The following ACE variants were observed in gnomAD, a reference collection of about 807,000 sequenced individuals.
The protein encoded by ACE is angiotensin-converting enzyme.
In ACE, 122 loss-of-function variants were observed where a neutral mutation model predicts 162.3. The observed-to-expected ratio is 0.75, with a 90% CI of 0.65 to 0.87. The LOEUF is 0.87. Among genes scored for constraint, ACE ranks in the 40% least tolerant of loss-of-function variants. ACE has a pLI of 0.00. For synonymous variants in ACE, 796 were observed against 720.6 expected (o/e 1.10, Z -1.68); for missense variants, 1,799 against 1,735.1 (o/e 1.04, Z -0.65).
At chr17:63,488,825 G>A (rs2030171057) in intron 16 of ACE, 34 bp downstream of exon 16, 1 of 1,613,980 alleles carries the variant, frequency 6.2e-7, no homozygotes, top group Admixed American at 1.7e-5. Context: ...CTGGCACTTG[G>A]GTCCCTTCAT....
In ACE at chr17:63,493,930, A is replaced by G. The variant is rs765835019; in HGVS notation, c.3145A>G (p.Ile1049Val). The G allele has an allele frequency of 1.2e-6, 2 of 1,614,120 alleles. No individual in the cohort carries two copies. Among genetic ancestry groups the G allele is most frequent in the Admixed American group, 1.7e-5 (1 of 60,016 alleles). ...GCTCCCTTCCCTTGCAGAGCATGACATCAACTTTCTGATGAAGATGGCCCT... is the reference window on the plus strand; with the variant it reads ...GCTCCCTTCCCTTGCAGAGCATGACGTCAACTTTCTGATGAAGATGGCCCT... Reference protein sequence around the residue: ...SSEGGSDEHDINFLMKMALDK... With the variant: ...SSEGGSDEHDVNFLMKMALDK... Residue 1049 changes from isoleucine to valine, a missense_variant, in exon 21 of 25, where the codon ATC (isoleucine) becomes GTC (valine). Ile to Val is a conservative substitution (Grantham distance 29). Transcript: ENST00000290866.
chr17:63,488,446 A>G, intron 15 of ACE: 1 of 450,676 alleles, frequency 2.2e-6, no homozygotes. Context: ...TGTCTGCAGC[A>G]TGTGGCCCCA....
rs532375661 is a variant in ACE at position 63,485,350 on chromosome 17, C to T, written c.2036C>T (p.Thr679Ile). 7.4e-6 allele frequency: 12 copies of T among 1,613,924 alleles called. No individual in the cohort carries two copies. The highest frequency in any genetic ancestry group is 1.0e-5 in the Non-Finnish European group (12 of 1,180,022). The change falls in exon 13 of 25, where the codon ACC (threonine) becomes ATC (isoleucine). Residue 679 changes from threonine (T) to isoleucine (I), a missense_variant. By Grantham distance (89) the Thr-to-Ile change is moderately conservative. Coordinates refer to ENST00000290866, the MANE Select transcript of ACE (RefSeq NM_000789.4). ...EANWNYNTNI[T>I]TETSKILLQK... Reference sequence around the variant, plus strand: ...AACTGGAACTACAACACCAACATCACCACAGAGACCAGCAAGATTCTGGTG... The same window carrying T: ...AACTGGAACTACAACACCAACATCATCACAGAGACCAGCAAGATTCTGGTG...
chr17:63,494,864 T>G (rs758608902), intron 22 of ACE, among the ~76,000 whole-genome samples: 3 of 152,228 alleles, frequency 2.0e-5, no homozygotes, highest in Non-Finnish European at 4.4e-5. Context: ...ATTTGAATTG[T>G]ACCTGGAAGC....
rs958487763 is a variant in ACE, at chr17:63,478,927, GCTC to G, written c.418-74_418-72del. The G allele has an allele frequency of 3.6e-5, 44 of 1,222,842 alleles. No homozygotes were observed. In the African/African-American group the frequency reaches 5.0e-4, roughly 14 times the overall value. 75.7% of individuals were successfully genotyped at this position (1,222,842 alleles called of 1,614,324 possible). On this transcript the variant is annotated intron_variant, in intron 2 of 24. Coordinates refer to ENST00000290866, the MANE Select transcript of ACE (RefSeq NM_000789.4). ...TGTCCAAGCTACATCCACTCTGTGG[GCTC>G]CTCCTTCTAGCAGCGAGGGGAGGGC...
In ACE at chr17:63,477,976, C is replaced by A; in HGVS notation, c.295C>A (p.Gln99Lys). The A allele has an allele frequency of 6.2e-7, 1 of 1,612,338 alleles. No individual in the cohort carries two copies. Among genetic ancestry groups the A allele is most frequent in the Non-Finnish European group, 8.5e-7 (1 of 1,179,522 alleles). The change falls in exon 2 of 25, where the codon CAG becomes AAG. Residue 99 changes from glutamine (Q) to lysine (K), a missense_variant. By Grantham distance (53) the Gln-to-Lys change is moderately conservative. Coordinates refer to ENST00000290866, the MANE Select transcript of ACE (RefSeq NM_000789.4). Reference protein sequence around the residue: ...LSQEFAEAWGQKAKELYEPIW... With the variant: ...LSQEFAEAWGKKAKELYEPIW... Reference sequence around the variant, plus strand: ...CCAGGAGTTTGCGGAGGCCTGGGGCCAGAAGGCCAAGGAGCTGTATGAACC... The same window carrying A: ...CCAGGAGTTTGCGGAGGCCTGGGGCAAGAAGGCCAAGGAGCTGTATGAACC...
intron 17 of ACE, chr17:63,490,588 A>G: frequency 6.1e-6 from 2 of 329,680 alleles, no homozygotes; most frequent in Non-Finnish European, 1.2e-5. Context: ...GAATTCACAC[A>G]ATGTTCTTGG....
chr17:63,497,368 G>A lies in ACE; in HGVS notation c.*2G>A, dbSNP rs1280755725. ...GAGGTGGAGCTGAGACACTCCTGAG[G>A]TGACCCGGCTGGGTCGGCCCTGCCC... On this transcript the variant is annotated 3_prime_UTR_variant, in exon 25 of 25. Coordinates refer to ENST00000290866, the MANE Select transcript of ACE (RefSeq NM_000789.4). 8.4e-6 allele frequency: 13 copies of A among 1,548,130 alleles called. No individual in the cohort carries two copies. Among genetic ancestry groups the A allele is most frequent in the Non-Finnish European group, 1.1e-5 (13 of 1,146,814 alleles).
intron 1 of ACE, 36 bp from the exon 2 acceptor site, chr17:63,477,895 G>T: frequency 6.3e-7 from 1 of 1,588,846 alleles, no homozygotes; most frequent in Non-Finnish European, 8.6e-7. Flanking sequence ...TCTAAGCAGG[G>T]TCCTACACCC....
rs199843475 is a variant in ACE, at chr17:63,496,368, C to T, written c.3381-26C>T. 1,766 of 1,614,008 alleles carry T rather than the reference C, an allele frequency of 1.1e-3. 1 individual carries two copies. Among genetic ancestry groups the T allele is most frequent in the Admixed American group, 1.8e-3 (111 of 60,034 alleles). On this transcript the variant is annotated intron_variant, in intron 22 of 24. Transcript: ENST00000290866. ...ACAAGGCCCTCAACCAACTCCGCCC[C>T]GGGCCACGGCCTCGCTCTGCTCCAG...
chr17:63,478,790 C>T, intron 2 of ACE: 1 of 617,190 alleles, frequency 1.6e-6, no homozygotes, highest in South Asian at 1.8e-5. Context: ...ACTTTCAGGA[C>T]TCCTGTCCCC....
At chr17:63,495,239 C>G (rs528363247) in intron 22 of ACE, among the ~76,000 whole-genome samples, 5 of 152,186 alleles carry the variant, frequency 3.3e-5, no homozygotes, top group African/African-American at 1.2e-4. Flanking sequence ...CTTCTGTGTG[C>G]CCCGGGAGAG....
intron 17 of ACE, among the ~76,000 whole-genome samples, chr17:63,489,351 G>A (rs902727093): frequency 1.3e-5 from 2 of 152,204 alleles, no homozygotes; most frequent in Non-Finnish European, 2.9e-5. Context: ...TGTCGGGCAA[G>A]TCACCATGGA....
rs772433710 is a variant in ACE, at chr17:63,493,515, C to A, written c.2992C>A (p.Gln998Lys). The stretch of plus-strand genomic sequence containing the variant: ...AATGGGCCACATCCAGTATTTCATG[C>A]AGTACAAAGACTTACCTGTGGCCTT... ...HEMGHIQYFM[Q>K]YKDLPVALRE... The change falls in exon 20 of 25, where the codon CAG becomes AAG. Residue 998 changes from glutamine to lysine, a missense_variant. Physicochemically the swap from Gln to Lys is moderately conservative, Grantham distance 53. Coordinates refer to ENST00000290866, the MANE Select transcript of ACE (RefSeq NM_000789.4). 1.9e-6 allele frequency: 3 copies of A among 1,614,056 alleles called. No individual in the cohort carries two copies. The highest frequency in any genetic ancestry group is 2.5e-6 in the Non-Finnish European group (3 of 1,180,036).
In ACE at chr17:63,491,458, C is replaced by A; in HGVS notation, c.2912+77C>A. On this transcript the variant is annotated intron_variant, in intron 19 of 24. Transcript: ENST00000290866. This position sits in a 1 kb window ranked among gnomAD's most constrained non-coding sequence, Gnocchi z 4.4. The stretch of plus-strand genomic sequence containing the variant: ...AATGAACCAAGCAAAGGGTCCACTA[C>A]TGTCCCCCAGCTGGAGCCAGCAGGG... 1.3e-6 allele frequency: 2 copies of A among 1,582,920 alleles called. No homozygotes were observed. Among genetic ancestry groups the A allele is most frequent in the Non-Finnish European group, 1.7e-6 (2 of 1,155,968 alleles).
intron 19 of ACE, among the ~76,000 whole-genome samples, chr17:63,492,495 C>T (rs1278239466): frequency 6.6e-6 from 1 of 152,216 alleles, no homozygotes; most frequent in Non-Finnish European, 1.5e-5. Flanking sequence ...AGGACTCAGC[C>T]ACAGGGCTGA....
At chr17:63,479,138 G>A in intron 3 of ACE, 38 bp downstream of exon 3, 1 of 1,522,206 alleles carries the variant, frequency 6.6e-7, no homozygotes, top group Non-Finnish European at 9.0e-7. Context: ...CGGTGCCCTA[G>A]TGTTCCCACA....
At chr17:63,496,571 C>T (rs1344312811) in intron 23 of ACE, 55 bp downstream of exon 23, 1 of 1,612,444 alleles carries the variant, frequency 6.2e-7, no homozygotes, top group East Asian at 2.2e-5. Context: ...GCCCCTGGGC[C>T]TTGAGGGGTC....
At position 63,483,268 on chromosome 17, in the gene ACE, C is replaced by T. The variant is rs898344170; in HGVS notation, c.1487+95C>T. On this transcript the variant is annotated intron_variant, in intron 9 of 24. Transcript: ENST00000290866. Reference sequence around the variant, plus strand: ...CCTGCCCCAGCCAGTTCTAGCCTCTCCTCTCTAATGATGTCCCCCGCTGTG... The same window carrying T: ...CCTGCCCCAGCCAGTTCTAGCCTCTTCTCTCTAATGATGTCCCCCGCTGTG... 258 of 1,598,168 alleles carry T rather than the reference C, an allele frequency of 1.6e-4. 1 individual carries two copies. The highest frequency in any genetic ancestry group is 2.0e-4 in the Middle Eastern group (1 of 4,940).
Sources: allele counts gnomAD v4.1 joint callset (sites outside exome capture counted in the v4.1 genomes callset), GRCh38; gene constraint gnomAD v4.1.1; non-coding constraint Gnocchi (gnomAD v3.1); transcripts MANE v1.5; gene names NCBI Gene and HGNC (gene_info 2026-07-23, HGNC 2026-07-21).